The following C9orf153 variants were observed in gnomAD, a reference collection of about 807,000 sequenced individuals.
The protein encoded by C9orf153 is chromosome 9 open reading frame 153, also known as uncharacterized protein C9orf153.
Under a neutral mutation model 9.0 loss-of-function variants are expected in C9orf153, and 10 were observed. The ratio of observed to expected loss-of-function variants is 1.11; its 90% CI spans 0.69 to 1.89. The LOEUF (loss-of-function observed/expected upper bound fraction) is 1.89. Among genes scored for constraint, C9orf153 ranks in the 40% most tolerant of loss-of-function variants. C9orf153 has a pLI of 0.00. For synonymous variants in C9orf153, 35 were observed against 37.3 expected (o/e 0.94, Z 0.23); for missense variants, 108 against 111.0 (o/e 0.97, Z 0.12).
At chr9:86,236,706 T>C (rs928823721) in intron 1 of C9orf153, among the ~76,000 whole-genome samples, 4 of 151,840 alleles carry the variant, frequency 2.6e-5, no homozygotes, top group Non-Finnish European at 5.9e-5. Context: ...CAGATCTATA[T>C]AAGGAAGTGA....
chr9:86,251,339 G>A (rs1347881199), intron 1 of C9orf153, among the ~76,000 whole-genome samples: 1 of 152,126 alleles, frequency 6.6e-6, no homozygotes, highest in Admixed American at 6.5e-5. Flanking sequence ...TTTCGTTAGA[G>A]TCTATGTTTC....
At chr9:86,247,460 T>G (rs760768437) in intron 1 of C9orf153, among the ~76,000 whole-genome samples, 2 of 152,142 alleles carry the variant, frequency 1.3e-5, no homozygotes, top group African/African-American at 2.4e-5. Flanking sequence ...AGCGGGTGGA[T>G]TGCTTGAGCC....
At chr9:86,222,253 G>GTTAGCCCCTAAA (rs979050630) in intron 3 of C9orf153, among the ~76,000 whole-genome samples, 3 of 152,076 alleles carry the variant, frequency 2.0e-5, no homozygotes, top group African/African-American at 7.2e-5. Flanking sequence ...CCCCTAAACA[G>GTTAGCCCCTAAA]CAATTGAGTG....
Position 86,241,636 on chromosome 9 carries a change from T to C in C9orf153, c.-26-12007A>G, listed in dbSNP as rs565444005. On this transcript the variant is annotated intron_variant, in intron 1 of 3. Coordinates refer to ENST00000339137, the MANE Select transcript of C9orf153 (RefSeq NM_001276366.4). ...GAAAAGTCGTACATTTCGTTGTTTT[T>C]TTTTTCTGGAGATGGAGTCTTGCTC... is the stretch of plus-strand genomic sequence containing the variant. Among the ~76,000 whole-genome samples, 6 of 151,182 alleles carry C rather than the reference T, an allele frequency of 4.0e-5. No individual in the cohort carries two copies. In the South Asian group the frequency reaches 1.2e-3, roughly 31 times the overall value.
intron 3 of C9orf153, among the ~76,000 whole-genome samples, chr9:86,225,430 CTT>C (rs1563996693): frequency 0.028 from 3,932 of 140,678 alleles, 193 homozygotes; most frequent in African/African-American, 0.096. Context: ...TCCTTCCTTC[CTT>C]CCTTCCTTCC....
intron 1 of C9orf153, among the ~76,000 whole-genome samples, chr9:86,240,131 T>G (rs1277852489): frequency 6.6e-6 from 1 of 152,182 alleles, no homozygotes. Context: ...TATTATCTGA[T>G]TTGATCCACC....
chr9:86,232,075 C>T (rs556498506), intron 1 of C9orf153, among the ~76,000 whole-genome samples: 1 of 152,254 alleles, frequency 6.6e-6, no homozygotes, highest in East Asian at 1.9e-4. Flanking sequence ...CAATATCCAA[C>T]TTCAATGGCC....
At chr9:86,256,717 A>G (rs1314191964) in intron 1 of C9orf153, among the ~76,000 whole-genome samples, 1 of 152,188 alleles carries the variant, frequency 6.6e-6, no homozygotes. Flanking sequence ...GTTTAAAGGC[A>G]TTTTGTATTT....
chr9:86,253,024 C>T (rs192174796), intron 1 of C9orf153, among the ~76,000 whole-genome samples: 16 of 151,676 alleles, frequency 1.1e-4, no homozygotes, highest in Admixed American at 9.2e-4. Context: ...GGGTAAAGTA[C>T]ACTTTTGTGA....
chr9:86,237,461 T>C (rs1824623212), intron 1 of C9orf153, among the ~76,000 whole-genome samples: 1 of 152,190 alleles, frequency 6.6e-6, no homozygotes, highest in African/African-American at 2.4e-5. Context: ...TGTTATTTAC[T>C]TTTTTAAATG....
At chr9:86,224,012 G>T (rs1824263849) in intron 3 of C9orf153, among the ~76,000 whole-genome samples, 1 of 151,686 alleles carries the variant, frequency 6.6e-6, no homozygotes, top group South Asian at 2.1e-4. Flanking sequence ...CCCAGCTACT[G>T]GGGAGGCTGA....
intron 1 of C9orf153, among the ~76,000 whole-genome samples, chr9:86,251,942 C>A (rs867251035): frequency 1.6e-4 from 24 of 149,750 alleles, no homozygotes; most frequent in Non-Finnish European, 2.7e-4. Context: ...CACACACACA[C>A]GAGAGAGAGA....
intron 1 of C9orf153, among the ~76,000 whole-genome samples, chr9:86,243,100 C>T (rs1211554129): frequency 6.6e-6 from 1 of 151,798 alleles, no homozygotes; most frequent in Non-Finnish European, 1.5e-5. Context: ...GCATGTGTTC[C>T]TTTGGTGATG....
chr9:86,221,677 T>G lies in C9orf153; in HGVS notation c.*11A>C. ...GAAATTGCAGTAGTGCGCCTCCACT[T>G]CGCAAGCCCCTTAAAATATCTCCAT... On this transcript the variant is annotated 3_prime_UTR_variant, in exon 4 of 4. Coordinates refer to ENST00000339137, the MANE Select transcript of C9orf153 (RefSeq NM_001276366.4). 6.5e-7 allele frequency: 1 copy of G among 1,549,904 alleles called. No individual in the cohort carries two copies. Among genetic ancestry groups the G allele is most frequent in the Non-Finnish European group, 8.7e-7 (1 of 1,146,702 alleles).
At chr9:86,234,248 C>T (rs1043000990) in intron 1 of C9orf153, among the ~76,000 whole-genome samples, 11 of 152,162 alleles carry the variant, frequency 7.2e-5, no homozygotes, top group African/African-American at 2.4e-4. Flanking sequence ...TTTAGTCAGA[C>T]AGAATGTCCT....
Position 86,234,756 on chromosome 9 carries a change from G to A in C9orf153, c.-26-5127C>T, listed in dbSNP as rs186509632. On this transcript the variant is annotated intron_variant, in intron 1 of 3. Coordinates refer to ENST00000339137, the MANE Select transcript of C9orf153 (RefSeq NM_001276366.4). Reference sequence around the variant, plus strand: ...AAACTTTGGTGCTTTAGTGAAAATAGTGAAAAGACCAATCACAGAATGAGA... The same window carrying A: ...AAACTTTGGTGCTTTAGTGAAAATAATGAAAAGACCAATCACAGAATGAGA... 1.5e-4 allele frequency among the ~76,000 whole-genome samples: 23 copies of A among 152,314 alleles called. No individual in the cohort carries two copies. The East Asian group carries it at 4.0e-3, about 27-fold the overall frequency.
At chr9:86,240,667 C>T (rs572128001) in intron 1 of C9orf153, among the ~76,000 whole-genome samples, 11 of 149,690 alleles carry the variant, frequency 7.3e-5, no homozygotes, top group South Asian at 2.1e-4. Context: ...CGTGAGCCAC[C>T]GCAACCGCAC....
intron 1 of C9orf153, among the ~76,000 whole-genome samples, chr9:86,249,620 C>T (rs958203411): frequency 1.3e-5 from 2 of 151,016 alleles, no homozygotes; most frequent in African/African-American, 4.9e-5. Flanking sequence ...GCGATTTTGG[C>T]TCACTGCAAC....
intron 1 of C9orf153, among the ~76,000 whole-genome samples, chr9:86,251,835 C>T (rs1043932643): frequency 8.7e-5 from 13 of 150,084 alleles, no homozygotes; most frequent in African/African-American, 3.2e-4. Flanking sequence ...AGGTAAAATT[C>T]GTTTTCCTCT....
Sources: allele counts gnomAD v4.1 joint callset (sites outside exome capture counted in the v4.1 genomes callset), GRCh38; gene constraint gnomAD v4.1.1; transcripts MANE v1.5; gene names NCBI Gene and HGNC (gene_info 2026-07-23, HGNC 2026-07-21).